The following SVEP1 variants were observed in gnomAD, a reference collection of about 807,000 sequenced individuals.
SVEP1 encodes sushi, von Willebrand factor type A, EGF and pentraxin domain containing 1.
In SVEP1, 164 loss-of-function variants were observed where a neutral mutation model predicts 367.3. The ratio of observed to expected loss-of-function variants is 0.45; its 90% confidence interval spans 0.39 to 0.51. The LOEUF is 0.51. SVEP1 is among the 20% of genes least tolerant of loss of function. The probability of loss-of-function intolerance (pLI) is 0.00; values close to 1 mark genes in which losing one functional copy is unlikely to be tolerated. For missense variants in SVEP1, 4,117 were observed against 4,425.3 expected, an observed-to-expected ratio of 0.93 and a Z score of 1.98; for synonymous variants, 1,666 against 1,611.6, an observed-to-expected ratio of 1.03 and a Z score of -0.81.
At chr9:110,551,722 G>A (rs1830289306) in intron 1 of SVEP1, among the ~76,000 whole-genome samples, 1 of 152,150 alleles carries the variant, frequency 6.6e-6, no homozygotes, top group South Asian at 2.1e-4. Flanking sequence ...AGGAAGATTT[G>A]GAATGAATGC....
chr9:110,518,916 C>A (rs1829841934), intron 3 of SVEP1, among the ~76,000 whole-genome samples: 1 of 152,128 alleles, frequency 6.6e-6, no homozygotes, highest in Non-Finnish European at 1.5e-5. Context: ...CTGTACCAAC[C>A]AGATAAGCCC....
chr9:110,386,113 C>T (rs1056167836), intron 42 of SVEP1, 39 bp from the exon 43 acceptor site: 46 of 1,582,570 alleles, frequency 2.9e-5, no homozygotes, highest in Non-Finnish European at 3.8e-5. Flanking sequence ...GATATTTCCC[C>T]TCTTTTCCTA....
At chr9:110,451,569 G>A (rs1828693789) in intron 22 of SVEP1, among the ~76,000 whole-genome samples, 167 bp from the exon 23 acceptor site, 1 of 152,130 alleles carries the variant, frequency 6.6e-6, no homozygotes, top group Non-Finnish European at 1.5e-5. Flanking sequence ...TCTGTGAACT[G>A]CAAAATTTTT....
At chr9:110,489,582 T>C in intron 9 of SVEP1, 68 bp downstream of exon 9, 1 of 1,499,844 alleles carries the variant, frequency 6.7e-7, no homozygotes, top group South Asian at 1.2e-5. Context: ...CCACGACACA[T>C]GGGAATTATG....
chr9:110,529,419 G>C (rs141702815), intron 3 of SVEP1, among the ~76,000 whole-genome samples: 3 of 151,998 alleles, frequency 2.0e-5, no homozygotes, highest in African/African-American at 7.2e-5. Context: ...TATTTTGATA[G>C]GAATTGCATT....
chr9:110,393,554 T>G (rs10759429), intron 40 of SVEP1, among the ~76,000 whole-genome samples: 1 of 151,996 alleles, frequency 6.6e-6, no homozygotes, highest in Non-Finnish European at 1.5e-5. Context: ...CAAAGCAGAA[T>G]GAGGCATCGC....
At chr9:110,522,215 T>G (rs1829884101) in intron 3 of SVEP1, among the ~76,000 whole-genome samples, 1 of 152,188 alleles carries the variant, frequency 6.6e-6, no homozygotes, top group South Asian at 2.1e-4. Flanking sequence ...ATTAGATCCA[T>G]CCCTGGGATT....
At chr9:110,482,245 C>A in intron 11 of SVEP1, 116 bp downstream of exon 11, 1 of 1,174,542 alleles carries the variant, frequency 8.5e-7, no homozygotes, top group South Asian at 2.4e-5. Context: ...ACCTGTCAGT[C>A]TTCTAACTGT....
At chr9:110,369,816 A>ATACT (rs1389641527) in intron 47 of SVEP1, 107 bp downstream of exon 47, 3 of 870,682 alleles carry the variant, frequency 3.4e-6, no homozygotes, top group Non-Finnish European at 5.2e-6. Context: ...CACATACAAA[A>ATACT]TACTTACAGT....
Position 110,411,244 on chromosome 9 carries a change from T to C in SVEP1, c.6467A>G (p.Tyr2156Cys), listed in dbSNP as rs1410786210. ...CGEPPSIMNG[Y>C]ASGSNYSFGA... ...AAAACTGTAGTTTGATCCACTTGCATAGCCATTCATGATGCTTGGTGGCTC... is the reference window on the plus strand; with the variant it reads ...AAAACTGTAGTTTGATCCACTTGCACAGCCATTCATGATGCTTGGTGGCTC... Residue 2156 changes from tyrosine to cysteine, a missense_variant, in exon 37 of 48, where the codon TAT (tyrosine) becomes TGT (cysteine). Coordinates refer to ENST00000374469, the MANE Select transcript of SVEP1 (RefSeq NM_153366.4). 3 of 1,614,034 alleles carry C rather than the reference T, an allele frequency of 1.9e-6. No individual in the cohort carries two copies. The highest frequency in any genetic ancestry group is 1.6e-4 in the Middle Eastern group (1 of 6,062).
intron 2 of SVEP1, among the ~76,000 whole-genome samples, chr9:110,547,080 G>A (rs1174976188): frequency 6.6e-6 from 1 of 152,188 alleles, no homozygotes; most frequent in East Asian, 1.9e-4. Context: ...GTGAGTTCCA[G>A]CAAGACACAC....
chr9:110,384,856 C>A (rs1248741083), intron 43 of SVEP1, among the ~76,000 whole-genome samples: 4 of 152,340 alleles, frequency 2.6e-5, no homozygotes, highest in African/African-American at 9.6e-5. Flanking sequence ...TACATTCTTA[C>A]ACTATGCAGC....
At chr9:110,440,482 C>T (rs563922505) in intron 27 of SVEP1, among the ~76,000 whole-genome samples, 5 of 152,244 alleles carry the variant, frequency 3.3e-5, no homozygotes, top group East Asian at 1.9e-4. Context: ...TGGACTTAGA[C>T]AGATGAAAAA....
chr9:110,457,815 A>C (rs1828799384), intron 20 of SVEP1, among the ~76,000 whole-genome samples: 1 of 152,174 alleles, frequency 6.6e-6, no homozygotes, highest in African/African-American at 2.4e-5. Flanking sequence ...TAGAGTCCTA[A>C]CAAGTCATTA....
At chr9:110,570,099 A>C (rs1001102947) in intron 1 of SVEP1, among the ~76,000 whole-genome samples, 9 of 152,196 alleles carry the variant, frequency 5.9e-5, no homozygotes, top group African/African-American at 2.2e-4. Context: ...CTGACCTCCA[A>C]ACCAGAGCAG....
intron 30 of SVEP1, 125 bp from the exon 31 acceptor site, chr9:110,432,760 G>A: frequency 9.2e-7 from 1 of 1,087,814 alleles, no homozygotes; most frequent in East Asian, 2.4e-5. Flanking sequence ...ATCAGACTGA[G>A]GGTGTCCTAG....
intron 5 of SVEP1, among the ~76,000 whole-genome samples, chr9:110,510,651 T>G (rs1829695888): frequency 6.6e-6 from 1 of 152,106 alleles, no homozygotes; most frequent in Non-Finnish European, 1.5e-5. Context: ...TTATGGAGGG[T>G]GCAGGCTTGA....
chr9:110,449,972 C>T, intron 24 of SVEP1, 87 bp downstream of exon 24: 15 of 1,451,742 alleles, frequency 1.0e-5, no homozygotes, highest in Non-Finnish European at 1.4e-5. Context: ...TGACTTGAGA[C>T]TCAAAGCAAT....
At chr9:110,563,286 CAT>C in intron 1 of SVEP1, among the ~76,000 whole-genome samples, 1 of 152,154 alleles carries the variant, frequency 6.6e-6, no homozygotes, top group Non-Finnish European at 1.5e-5. Flanking sequence ...GCTTTTACTA[CAT>C]ATGACATATA....
Sources: gnomAD v4.1 joint callset for allele counts (sites outside exome capture counted in the v4.1 genomes callset) on GRCh38, gnomAD v4.1.1 for gene constraint, MANE v1.5 for transcripts, NCBI Gene and HGNC (gene_info 2026-07-23, HGNC 2026-07-21) for gene names.